Variants in MYO3B observed in about 807,000 individuals in gnomAD.
The protein encoded by MYO3B is myosin-IIIb.
In MYO3B, 156 loss-of-function variants were observed where a neutral mutation model predicts 174.6. That is an observed-to-expected ratio of 0.89 (90% CI 0.78 to 1.02). MYO3B has a LOEUF of 1.02. Among genes scored for constraint, MYO3B ranks in the 50% least tolerant of loss-of-function variants. MYO3B has a pLI of 0.00. For missense variants in MYO3B, 1,632 were observed against 1,639.4 expected (o/e 1.00, Z 0.08); for synonymous variants, 563 against 569.1 (o/e 0.99, Z 0.15).
intron 8 of MYO3B, 73 bp downstream of exon 8, chr2:170,335,523 G>C: frequency 1.7e-6 from 2 of 1,209,290 alleles, no homozygotes; most frequent in South Asian, 2.6e-5. Context: ...TCCAGGCTGT[G>C]GAATTTACTT....
At chr2:170,583,457 GT>G (rs916101868) in intron 32 of MYO3B, among the ~76,000 whole-genome samples, 2 of 151,792 alleles carry the variant, frequency 1.3e-5, no homozygotes, top group African/African-American at 4.8e-5. Flanking sequence ...TACGAGCTTG[GT>G]TTTTTTTGAA....
chr2:170,443,765 T>C (rs1352102035), intron 22 of MYO3B, among the ~76,000 whole-genome samples: 1 of 151,326 alleles, frequency 6.6e-6, no homozygotes, highest in African/African-American at 2.4e-5. Context: ...ATTTATAAGT[T>C]ACAAATTATT....
rs1288492928 is a variant in MYO3B at position 170,383,624 on chromosome 2, G to A, written c.1186-86G>A. ...CCTAATGCAACAAGTACCCTAATAA[G>A]TGACAGATTCTTGGTTTCATGGGCA... On this transcript the variant is annotated intron_variant, in intron 11 of 34. Coordinates refer to ENST00000408978, the MANE Select transcript of MYO3B (RefSeq NM_138995.5). 8.0e-6 allele frequency: 8 copies of A among 1,002,504 alleles called. No individual in the cohort carries two copies. In the Admixed American group the frequency reaches 1.3e-4, roughly 17 times the overall value. 62.1% of individuals were successfully genotyped at this position (1,002,504 alleles called of 1,614,324 possible). A position where few individuals can be genotyped will look rare whatever the true frequency, so the allele number is the denominator to read the frequency against.
At position 170,465,298 on chromosome 2, in the gene MYO3B, C is replaced by T. The variant is rs184784488; in HGVS notation, c.2809-1208C>T. On this transcript the variant is annotated intron_variant, in intron 24 of 34. Transcript: ENST00000408978. ...GGGGAGCTTTTACTCATAGAGCAGG[C>T]GTGTTACATGGCAAGAGAGGGAGGA... Among the ~76,000 whole-genome samples the T allele has an allele frequency of 1.3e-3, 191 of 152,158 alleles. 1 individual carries two copies. In the Middle Eastern group the frequency reaches 0.017, roughly 14 times the overall value.
At chr2:170,619,645 C>T (rs1252152450) in intron 32 of MYO3B, among the ~76,000 whole-genome samples, 1 of 151,332 alleles carries the variant, frequency 6.6e-6, no homozygotes, top group Non-Finnish European at 1.5e-5. Context: ...CTGTCTTCCC[C>T]TGGAGAGAGT....
intron 7 of MYO3B, among the ~76,000 whole-genome samples, chr2:170,318,513 C>G (rs1199804647): frequency 6.6e-6 from 1 of 152,136 alleles, no homozygotes; most frequent in Non-Finnish European, 1.5e-5. Context: ...CTGGGAAGAA[C>G]TGGAAGCTAG....
chr2:170,486,114 T>C (rs1457938739), intron 25 of MYO3B, among the ~76,000 whole-genome samples: 3 of 152,126 alleles, frequency 2.0e-5, no homozygotes, highest in African/African-American at 7.2e-5. Context: ...TCTAGGTGTA[T>C]GTTGGGGAGA....
chr2:170,307,470 A>C (rs1303763699), intron 7 of MYO3B, among the ~76,000 whole-genome samples: 2 of 152,184 alleles, frequency 1.3e-5, no homozygotes, highest in Admixed American at 6.5e-5. Flanking sequence ...TCTTGCTGTT[A>C]TCAATATAAT....
At chr2:170,305,478 T>G (rs2093695134) in intron 7 of MYO3B, among the ~76,000 whole-genome samples, 1 of 152,238 alleles carries the variant, frequency 6.6e-6, no homozygotes, top group Non-Finnish European at 1.5e-5. Context: ...AGAGGCAGTT[T>G]TCTTGGTCCA....
chr2:170,289,810 A>G (rs1360971395), intron 7 of MYO3B, among the ~76,000 whole-genome samples: 1 of 150,792 alleles, frequency 6.6e-6, no homozygotes, highest in Non-Finnish European at 1.5e-5. Context: ...AAGTCTTTCT[A>G]CTCCTTTTGA....
At chr2:170,558,711 G>C (rs976814115) in intron 32 of MYO3B, among the ~76,000 whole-genome samples, 1 of 152,074 alleles carries the variant, frequency 6.6e-6, no homozygotes, top group African/African-American at 2.4e-5. Flanking sequence ...TTCTAGTTTG[G>C]AACCCTTACA....
chr2:170,303,557 C>A (rs575666829), intron 7 of MYO3B, among the ~76,000 whole-genome samples: 3 of 152,144 alleles, frequency 2.0e-5, no homozygotes, highest in Non-Finnish European at 2.9e-5. Flanking sequence ...ATTTACTGTA[C>A]AGATGATTTC....
chr2:170,350,328 G>A (rs989554662), intron 8 of MYO3B: 5 of 152,164 alleles, frequency 3.3e-5, no homozygotes, highest in Admixed American at 1.3e-4. Flanking sequence ...GTGGTTAGCT[G>A]TGGATTCTTT....
At chr2:170,391,697 T>G in intron 15 of MYO3B, 79 bp downstream of exon 15, 1 of 833,804 alleles carries the variant, frequency 1.2e-6, no homozygotes, top group Non-Finnish European at 1.9e-6. Context: ...TAAATGGAGC[T>G]GTTTTCCTAA....
At chr2:170,300,231 A>C (rs1352037474) in intron 7 of MYO3B, among the ~76,000 whole-genome samples, 1 of 152,188 alleles carries the variant, frequency 6.6e-6, no homozygotes, top group Non-Finnish European at 1.5e-5. Context: ...TGGAAATAAC[A>C]CATGACATTT....
chr2:170,539,683 G>A (rs1467490030), intron 30 of MYO3B, among the ~76,000 whole-genome samples: 3 of 151,574 alleles, frequency 2.0e-5, no homozygotes, highest in East Asian at 1.9e-4. Context: ...GCAGTGGTGC[G>A]ATCTTGGCTC....
At chr2:170,578,562 G>T (rs371312185) in intron 32 of MYO3B, among the ~76,000 whole-genome samples, 1 of 152,116 alleles carries the variant, frequency 6.6e-6, no homozygotes, top group Non-Finnish European at 1.5e-5. Context: ...TGTTAATTAC[G>T]ACTAATTTTA....
rs928554930 is a variant in MYO3B, at chr2:170,439,374, A to AAAT, written c.2651-4574_2651-4572dup. Among the ~76,000 whole-genome samples the AAAT allele has an allele frequency of 7.1e-4, 106 of 148,738 alleles. 1 individual carries two copies. The highest frequency in any genetic ancestry group is 2.0e-3 in the African/African-American group (80 of 39,184). ...GTGACAAAGAAAGACTCCATCTCAA[A>AAAT]AATAATAATAATAATAATAATTTTT... On this transcript the variant is annotated intron_variant, in intron 22 of 34. Coordinates refer to ENST00000408978, the MANE Select transcript of MYO3B (RefSeq NM_138995.5).
At chr2:170,471,420 T>A (rs964527740) in intron 25 of MYO3B, among the ~76,000 whole-genome samples, 2 of 152,170 alleles carry the variant, frequency 1.3e-5, no homozygotes, top group Non-Finnish European at 2.9e-5. Context: ...AATTTATGTA[T>A]GTTTTCTTTT....
Sources: gnomAD v4.1 joint callset for allele counts (sites outside exome capture counted in the v4.1 genomes callset) on GRCh38, gnomAD v4.1.1 for gene constraint, MANE v1.5 for transcripts, NCBI Gene and HGNC (gene_info 2026-07-23, HGNC 2026-07-21) for gene names.